The following OGDH variants were observed in gnomAD, a reference collection of about 807,000 sequenced individuals.
OGDH encodes the protein oxoglutarate dehydrogenase.
OGDH carries 38 observed loss-of-function variants against 116.6 expected under a neutral mutation model. That is an observed-to-expected ratio of 0.33 (90% CI 0.25 to 0.43). The LOEUF (loss-of-function observed/expected upper bound fraction) is 0.43, where lower values mean the gene tolerates loss of function less well. OGDH is among the 20% of genes least tolerant of loss of function. The probability of loss-of-function intolerance (pLI) is 1.00; values close to 1 mark genes in which losing one functional copy is unlikely to be tolerated. For missense variants in OGDH, 825 were observed against 1,357.2 expected (o/e 0.61, Z 6.16); for synonymous variants, 488 against 533.3 (o/e 0.92, Z 1.17).
intron 1 of OGDH, among the ~76,000 whole-genome samples, chr7:44,619,205 A>G (rs557188726): frequency 5.6e-4 from 86 of 152,310 alleles, no homozygotes; most frequent in African/African-American, 2.0e-3. Context: ...AGTAGATGTA[A>G]GTAAGTGTTT....
intron 2 of OGDH, among the ~76,000 whole-genome samples, chr7:44,642,279 C>T (rs1445456949): frequency 6.6e-6 from 1 of 152,094 alleles, no homozygotes. Context: ...AAAAAATTAG[C>T]CATGCGTGGT....
chr7:44,616,988 G>T (rs1217367184), intron 1 of OGDH, among the ~76,000 whole-genome samples: 4 of 141,176 alleles, frequency 2.8e-5, no homozygotes, highest in Non-Finnish European at 6.2e-5. Context: ...AGGCTGGAGT[G>T]CAGTGGCGCG....
Position 44,614,311 on chromosome 7 carries a change from TG to T in OGDH, c.-28+7659del, listed in dbSNP as rs376856239. On this transcript the variant is annotated intron_variant, in intron 1 of 22. Coordinates refer to ENST00000222673, the MANE Select transcript of OGDH (RefSeq NM_002541.4). ...AGGTTTTGGTTTTTTTTGTTTTTTT[TG>T]TTTGTTTGTTTTTTGTATTGAGTTT... 8.5e-3 allele frequency among the ~76,000 whole-genome samples: 1,273 copies of T among 149,372 alleles called. 21 individuals carry two copies. The highest frequency in any genetic ancestry group is 0.03 in the African/African-American group (1,182 of 39,950).
chr7:44,623,720 A>C (rs1317812133), intron 1 of OGDH, among the ~76,000 whole-genome samples: 1 of 152,170 alleles, frequency 6.6e-6, no homozygotes, highest in Non-Finnish European at 1.5e-5. Flanking sequence ...ATCTCGGCTC[A>C]CTGCAGCCTC....
intron 20 of OGDH, among the ~76,000 whole-genome samples, chr7:44,704,326 T>C (rs942687251): frequency 6.6e-6 from 1 of 152,226 alleles, no homozygotes; most frequent in Non-Finnish European, 1.5e-5. Flanking sequence ...TCTTTTCATA[T>C]GCTTATTGGC....
chr7:44,624,998 T>G (rs1445435003), intron 2 of OGDH, among the ~76,000 whole-genome samples: 1 of 152,226 alleles, frequency 6.6e-6, no homozygotes, highest in Non-Finnish European at 1.5e-5. Context: ...TTTAGCTCAT[T>G]ATGTTCGTAT....
intron 4 of OGDH, among the ~76,000 whole-genome samples, chr7:44,665,393 C>CA (rs112693883): frequency 1.4e-5 from 2 of 146,224 alleles, no homozygotes; most frequent in Non-Finnish European, 1.5e-5. Context: ...ACAAAACAAA[C>CA]AAAAAAAACC....
intron 20 of OGDH, among the ~76,000 whole-genome samples, chr7:44,702,358 G>A (rs1017066661): frequency 6.6e-6 from 1 of 152,172 alleles, no homozygotes; most frequent in African/African-American, 2.4e-5. Flanking sequence ...GGCAGGTCCT[G>A]CCAAGTCACA....
chr7:44,610,677 A>G (rs779097870), intron 1 of OGDH, among the ~76,000 whole-genome samples: 1 of 150,918 alleles, frequency 6.6e-6, no homozygotes, highest in Non-Finnish European at 1.5e-5. Context: ...GCAGTGGTGC[A>G]ATCTTGGCTC....
At chr7:44,702,112 G>T (rs1471457791) in intron 20 of OGDH, among the ~76,000 whole-genome samples, 2 of 152,006 alleles carry the variant, frequency 1.3e-5, no homozygotes, top group Admixed American at 6.6e-5. Flanking sequence ...GATGAGGGAG[G>T]TCACAGCTTA....
chr7:44,611,999 C>T (rs554468985), intron 1 of OGDH, among the ~76,000 whole-genome samples: 1 of 152,060 alleles, frequency 6.6e-6, no homozygotes, highest in South Asian at 2.1e-4. Flanking sequence ...TATACATGTG[C>T]CATGTTGGTG....
intron 1 of OGDH, among the ~76,000 whole-genome samples, chr7:44,621,166 T>TGGGCTCAGGCTATCCTTC (rs1784993666): frequency 6.6e-6 from 1 of 152,162 alleles, no homozygotes; most frequent in African/African-American, 2.4e-5. Context: ...CTTGACCTCC[T>TGGGCTCAGGCTATCCTTC]GGGCTCAGGC....
chr7:44,653,969 T>C (rs770340022), intron 4 of OGDH, among the ~76,000 whole-genome samples: 7 of 152,142 alleles, frequency 4.6e-5, no homozygotes, highest in Non-Finnish European at 7.3e-5. Context: ...ATCCTCCTGC[T>C]TCAGCCTCCC....
At chr7:44,659,780 T>C (rs940718220) in intron 4 of OGDH, among the ~76,000 whole-genome samples, 1 of 152,228 alleles carries the variant, frequency 6.6e-6, no homozygotes, top group Non-Finnish European at 1.5e-5. Flanking sequence ...TGTATTGATA[T>C]CCTGTTTCAT....
Position 44,694,384 on chromosome 7 carries a change from C to T in OGDH, c.1516-40C>T. On this transcript the variant is annotated intron_variant, in intron 11 of 22. Transcript: ENST00000222673. The surrounding 1 kb of genome is among the most constrained non-coding windows in gnomAD (Gnocchi z 4.2). Reference sequence around the variant, plus strand: ...CTGAACAGCACTTCTTCCCAAGGGGCCAGCCCTTGTCTCTGACATCCTCTC... The same window carrying T: ...CTGAACAGCACTTCTTCCCAAGGGGTCAGCCCTTGTCTCTGACATCCTCTC... 6.2e-7 allele frequency: 1 copy of T among 1,608,498 alleles called. No homozygotes were observed. The highest frequency in any genetic ancestry group is 1.1e-5 in the South Asian group (1 of 90,624).
At chr7:44,653,534 T>C (rs1585294687) in intron 4 of OGDH, among the ~76,000 whole-genome samples, 1 of 152,168 alleles carries the variant, frequency 6.6e-6, no homozygotes, top group African/African-American at 2.4e-5. Context: ...TTTTTGTTGT[T>C]GTTTTGTTTT....
rs1399663593 is a variant in OGDH at position 44,629,518 on chromosome 7, C to G, written c.222+4953C>G. On this transcript the variant is annotated intron_variant, in intron 2 of 22. Transcript: ENST00000222673. The stretch of plus-strand genomic sequence containing the variant: ...CTCTGCCCTGCCCACCTGCCTAAAG[C>G]CTGCCTCCCTGTTCTTGTTAACTGA... 2.6e-5 allele frequency among the ~76,000 whole-genome samples: 4 copies of G among 152,092 alleles called. No individual in the cohort carries two copies. In the East Asian group the frequency reaches 7.7e-4, roughly 29 times the overall value.
chr7:44,664,844 G>A (rs1044656987), intron 4 of OGDH, among the ~76,000 whole-genome samples: 12 of 152,156 alleles, frequency 7.9e-5, no homozygotes, highest in African/African-American at 2.9e-4. Context: ...CAGCAGTATA[G>A]CCCAAGAACT....
intron 2 of OGDH, among the ~76,000 whole-genome samples, chr7:44,634,933 G>T (rs1785598242): frequency 6.6e-6 from 1 of 152,218 alleles, no homozygotes; most frequent in African/African-American, 2.4e-5. Context: ...CCAATAGGGA[G>T]TACCCTGTTT....
Sources: gnomAD v4.1 joint callset for allele counts (sites outside exome capture counted in the v4.1 genomes callset) on GRCh38, gnomAD v4.1.1 for gene constraint, Gnocchi (gnomAD v3.1) non-coding constraint, MANE v1.5 for transcripts, NCBI Gene and HGNC (gene_info 2026-07-23, HGNC 2026-07-21) for gene names.